The following STRADB variants were observed in gnomAD, a reference collection of about 807,000 sequenced individuals.
STRADB encodes the protein STE20 related adaptor beta.
STRADB carries 34 observed loss-of-function variants against 52.1 expected under a neutral mutation model. The ratio of observed to expected loss-of-function variants is 0.65; its 90% CI spans 0.50 to 0.87. STRADB has a LOEUF of 0.87. STRADB is among the 40% of genes least tolerant of loss of function. The pLI is 0.00. For synonymous variants in STRADB, 133 were observed against 174.5 expected (o/e 0.76, Z 1.87); for missense variants, 340 against 483.9 (o/e 0.70, Z 2.79).
At chr2:201,456,900 C>T (rs188519527) in intron 2 of STRADB, among the ~76,000 whole-genome samples, 7 of 152,238 alleles carry the variant, frequency 4.6e-5, no homozygotes, top group Admixed American at 2.6e-4. Context: ...CACAGTTCCC[C>T]CAGAGTTGTG....
chr2:201,457,938 T>C (rs780522970), intron 2 of STRADB, among the ~76,000 whole-genome samples: 2 of 151,972 alleles, frequency 1.3e-5, no homozygotes, highest in East Asian at 1.9e-4. Flanking sequence ...GCAGGAGAAT[T>C]GCTTGAACCC....
At chr2:201,477,052 GTTTTTTTTTTTTTT>G (rs1221462406) in intron 7 of STRADB, among the ~76,000 whole-genome samples, 1 of 57,040 alleles carries the variant, frequency 1.8e-5, no homozygotes, top group Non-Finnish European at 3.0e-5. Context: ...AATATTATCA[GTTTTTTTTTTTTTT>G]TTTTTTTTTT....
chr2:201,454,931 T>A, intron 2 of STRADB, 79 bp downstream of exon 2: 1 of 1,287,500 alleles, frequency 7.8e-7, no homozygotes. Context: ...ATAAAAGGCA[T>A]ATTCTGATGG....
chr2:201,466,954 G>T (rs1952313705), intron 3 of STRADB, among the ~76,000 whole-genome samples: 2 of 152,122 alleles, frequency 1.3e-5, no homozygotes, highest in South Asian at 2.1e-4. Flanking sequence ...AGTCTGGCAG[G>T]ATCTCTCTGA....
chr2:201,471,392 C>T (rs971393413), intron 4 of STRADB, among the ~76,000 whole-genome samples: 5 of 152,140 alleles, frequency 3.3e-5, no homozygotes, highest in African/African-American at 7.2e-5. Flanking sequence ...CACAACCTAC[C>T]CTCCTTATTA....
At chr2:201,478,022 A>T in intron 8 of STRADB, 65 bp from the exon 9 acceptor site, 1 of 1,394,728 alleles carries the variant, frequency 7.2e-7, no homozygotes, top group Non-Finnish European at 9.9e-7. Flanking sequence ...TCAAAAAAGC[A>T]CATGTGTATA....
intron 3 of STRADB, among the ~76,000 whole-genome samples, chr2:201,461,533 T>G (rs1237737895): frequency 6.6e-6 from 1 of 152,208 alleles, no homozygotes; most frequent in African/African-American, 2.4e-5. Flanking sequence ...TAAATCAGAT[T>G]GTTAGATTTT....
chr2:201,471,289 G>A (rs1952384149), intron 4 of STRADB, among the ~76,000 whole-genome samples: 1 of 152,178 alleles, frequency 6.6e-6, no homozygotes, highest in Non-Finnish European at 1.5e-5. Flanking sequence ...GTGGGAACAA[G>A]GGGAGAGTAG....
chr2:201,457,549 T>G (rs754019841), intron 2 of STRADB: 13 of 152,190 alleles, frequency 8.5e-5, no homozygotes, highest in Non-Finnish European at 8.8e-5. Context: ...TAATCAGTAA[T>G]GAAGGCTAAC....
At chr2:201,474,360 T>C (rs1211803351) in intron 5 of STRADB, among the ~76,000 whole-genome samples, 1 of 152,222 alleles carries the variant, frequency 6.6e-6, no homozygotes, top group African/African-American at 2.4e-5. Context: ...GTTAAGAGTA[T>C]GACCCTAGAG....
intron 4 of STRADB, among the ~76,000 whole-genome samples, chr2:201,470,607 C>G (rs1952374398): frequency 6.6e-6 from 1 of 152,176 alleles, no homozygotes; most frequent in South Asian, 2.1e-4. Flanking sequence ...TGGTAGAACA[C>G]TTGGAATTGA....
rs564847304 is a variant in STRADB, at chr2:201,476,236, A to C, written c.548+494A>C. Among the ~76,000 whole-genome samples, 9 of 152,340 alleles carry C rather than the reference A, an allele frequency of 5.9e-5. No individual in the cohort carries two copies. In the East Asian group the frequency reaches 1.3e-3, roughly 23 times the overall value. On this transcript the variant is annotated intron_variant, in intron 7 of 11. Transcript: ENST00000194530. ...AAAGTGTATATGCAAAAGTGATTGA[A>C]TGTTAAAAACAGTGCTATTCTAAGA...
chr2:201,469,050 A>G (rs1432832059), intron 3 of STRADB, among the ~76,000 whole-genome samples: 1 of 152,146 alleles, frequency 6.6e-6, no homozygotes, highest in Non-Finnish European at 1.5e-5. Context: ...TGGGTTTATA[A>G]TTCCTTTTTT....
intron 3 of STRADB, among the ~76,000 whole-genome samples, chr2:201,467,763 G>T (rs1222116213): frequency 6.6e-6 from 1 of 151,940 alleles, no homozygotes. Flanking sequence ...CTCTTAAATT[G>T]TGGTGTCTCA....
At chr2:201,458,436 G>T (rs546446675) in intron 2 of STRADB, among the ~76,000 whole-genome samples, 1 of 152,094 alleles carries the variant, frequency 6.6e-6, no homozygotes, top group African/African-American at 2.4e-5. Context: ...ATAATCTTTG[G>T]CTAAATATTC....
Position 201,480,232 on chromosome 2 carries a change from C to A in STRADB, c.*57C>A. On this transcript the variant is annotated 3_prime_UTR_variant, in exon 12 of 12. Transcript: ENST00000194530. ...TGACACTTTCTCCTTGCTGCTTTTTCTTCTGTATTTCTAGGTACAAATACC... is the reference window on the plus strand; with the variant it reads ...TGACACTTTCTCCTTGCTGCTTTTTATTCTGTATTTCTAGGTACAAATACC... 1.3e-6 allele frequency: 2 copies of A among 1,597,144 alleles called. No individual in the cohort carries two copies. The highest frequency in any genetic ancestry group is 8.5e-7 in the Non-Finnish European group (1 of 1,171,570).
At chr2:201,467,153 T>C (rs1952317064) in intron 3 of STRADB, among the ~76,000 whole-genome samples, 1 of 152,214 alleles carries the variant, frequency 6.6e-6, no homozygotes, top group Non-Finnish European at 1.5e-5. Context: ...AATGGTGCCC[T>C]TACATTGTAT....
At chr2:201,474,993 C>T (rs998446761) in intron 6 of STRADB, among the ~76,000 whole-genome samples, 4 of 152,222 alleles carry the variant, frequency 2.6e-5, no homozygotes, top group Admixed American at 6.5e-5. Flanking sequence ...CGTGCCTTTG[C>T]ACAAGCTGTG....
chr2:201,461,591 T>G (rs1394412829), intron 3 of STRADB, among the ~76,000 whole-genome samples: 2 of 152,250 alleles, frequency 1.3e-5, no homozygotes, highest in Non-Finnish European at 2.9e-5. Flanking sequence ...TATTAATCCC[T>G]TATCAGATGG....
Sources: allele counts gnomAD v4.1 joint callset (sites outside exome capture counted in the v4.1 genomes callset), GRCh38; gene constraint gnomAD v4.1.1; transcripts MANE v1.5; gene names NCBI Gene and HGNC (gene_info 2026-07-23, HGNC 2026-07-21).